The following TMEFF2 variants were observed in gnomAD, a reference collection of about 807,000 sequenced individuals.
TMEFF2 encodes tomoregulin-2.
In TMEFF2, 28 loss-of-function variants were observed where a neutral mutation model predicts 53.8. The ratio of observed to expected loss-of-function variants is 0.52; its 90% CI spans 0.39 to 0.71. TMEFF2 has a LOEUF of 0.71. Among genes scored for constraint, TMEFF2 ranks in the 30% least tolerant of loss-of-function variants. The probability of loss-of-function intolerance (pLI) is 0.00; values close to 1 mark genes in which losing one functional copy is unlikely to be tolerated. For synonymous variants in TMEFF2, 162 were observed against 166.3 expected, an observed-to-expected ratio of 0.97 and a Z score of 0.20; for missense variants, 353 against 455.2, an observed-to-expected ratio of 0.78 and a Z score of 2.04.
chr2:192,019,810 T>C (rs1257993843), intron 5 of TMEFF2, among the ~76,000 whole-genome samples: 1 of 152,044 alleles, frequency 6.6e-6, no homozygotes, highest in Non-Finnish European at 1.5e-5. Flanking sequence ...TAAACTATGT[T>C]CAAAATGATT....
rs16834250 is a variant in TMEFF2, at chr2:192,147,259, T to C, written c.439+32409A>G. Among the ~76,000 whole-genome samples, 959 of 152,146 alleles carry C rather than the reference T, an allele frequency of 6.3e-3. 11 individuals carry two copies. Among genetic ancestry groups the C allele is most frequent in the African/African-American group, 0.022 (895 of 41,550 alleles). ...ATAAATTCAGATAGACACAGTGAGC[T>C]AGAAGTAGCAGACAGTAGTCCACTT... is the stretch of plus-strand genomic sequence containing the variant. On this transcript the variant is annotated intron_variant, in intron 4 of 9. Transcript: ENST00000272771.
In TMEFF2 at chr2:192,081,059, T is replaced by G. The variant is rs528857884; in HGVS notation, c.440-23284A>C. ...GAACAGTAATTTTTTGTTATGACAG[T>G]GATCAATGAAAGTAAGAACATCTTG... is the stretch of plus-strand genomic sequence containing the variant. On this transcript the variant is annotated intron_variant, in intron 4 of 9. Transcript: ENST00000272771. 1.5e-4 allele frequency among the ~76,000 whole-genome samples: 23 copies of G among 152,312 alleles called. No homozygotes were observed. In the South Asian group the frequency reaches 4.8e-3, roughly 32 times the overall value.
At chr2:192,167,346 G>T (rs1690793482) in intron 4 of TMEFF2, among the ~76,000 whole-genome samples, 1 of 152,076 alleles carries the variant, frequency 6.6e-6, no homozygotes, top group African/African-American at 2.4e-5. Context: ...CATGTGTTGG[G>T]CGTATAGAAA....
At chr2:191,990,595 T>C (rs781157039) in intron 7 of TMEFF2, among the ~76,000 whole-genome samples, 4 of 152,122 alleles carry the variant, frequency 2.6e-5, no homozygotes, top group African/African-American at 4.8e-5. Context: ...AAATAACATA[T>C]ACTTGAGGTA....
chr2:191,977,451 A>T (rs1309518325), intron 7 of TMEFF2, among the ~76,000 whole-genome samples: 4 of 152,212 alleles, frequency 2.6e-5, no homozygotes, highest in Non-Finnish European at 5.9e-5. Context: ...TTCAGTAATG[A>T]ATTTTTTTTA....
chr2:191,979,753 TA>T (rs145774456), intron 7 of TMEFF2, among the ~76,000 whole-genome samples: 1,862 of 144,554 alleles, frequency 0.013, 35 homozygotes, highest in African/African-American at 0.038. Flanking sequence ...CCAGTAGAGA[TA>T]AAAAAAAAAA....
intron 7 of TMEFF2, among the ~76,000 whole-genome samples, chr2:191,993,543 C>T (rs1164397382): frequency 2.6e-5 from 4 of 152,004 alleles, no homozygotes; most frequent in African/African-American, 9.7e-5. Flanking sequence ...CTTCTCCCCA[C>T]ATACATACTA....
At chr2:192,040,876 G>A (rs578100527) in intron 5 of TMEFF2, among the ~76,000 whole-genome samples, 9 of 152,208 alleles carry the variant, frequency 5.9e-5, no homozygotes, top group African/African-American at 2.2e-4. Flanking sequence ...GATGATGAAA[G>A]GCTAGTCTTT....
intron 7 of TMEFF2, among the ~76,000 whole-genome samples, chr2:191,957,079 ACGATAAC>A (rs1365500044): frequency 6.6e-6 from 1 of 152,216 alleles, no homozygotes; most frequent in Non-Finnish European, 1.5e-5. Context: ...ACCTAAACTT[ACGATAAC>A]GAATAAACGT....
chr2:191,962,343 C>T (rs765127665), intron 7 of TMEFF2, among the ~76,000 whole-genome samples: 6 of 152,060 alleles, frequency 3.9e-5, no homozygotes, highest in Non-Finnish European at 8.8e-5. Flanking sequence ...TTATCCTTAT[C>T]GTTGCTTGCA....
intron 4 of TMEFF2, among the ~76,000 whole-genome samples, chr2:192,172,206 C>CTT (rs5837292): frequency 7.9e-4 from 118 of 148,474 alleles, no homozygotes; most frequent in Admixed American, 2.0e-3. Context: ...CGCTGTGTAG[C>CTT]TTTTTTTTTT....
intron 7 of TMEFF2, among the ~76,000 whole-genome samples, chr2:191,966,736 C>G (rs1415109658): frequency 6.6e-6 from 1 of 151,978 alleles, no homozygotes; most frequent in African/African-American, 2.4e-5. Flanking sequence ...AGAATAAAAC[C>G]ATGCATTTAT....
intron 5 of TMEFF2, among the ~76,000 whole-genome samples, chr2:192,020,664 G>A (rs906776994): frequency 1.3e-5 from 2 of 152,068 alleles, no homozygotes; most frequent in African/African-American, 4.8e-5. Context: ...TTTTCAAAAA[G>A]TGTTATGGTA....
rs2105979045 is a variant in TMEFF2, at chr2:192,132,387, C to T, written c.439+47281G>A. ...CAGTTCATGGCTCGTTCGGCAGCAA[C>T]CCTGAGACGCTTTACAGCCCTAGAC... is the stretch of plus-strand genomic sequence containing the variant. On this transcript the variant is annotated intron_variant, in intron 4 of 9. Coordinates refer to ENST00000272771, the MANE Select transcript of TMEFF2 (RefSeq NM_016192.4). Among the ~76,000 whole-genome samples, 2 of 152,114 alleles carry T rather than the reference C, an allele frequency of 1.3e-5. 1 individual carries two copies. Among genetic ancestry groups the T allele is most frequent in the South Asian group, 4.2e-4 (2 of 4,796 alleles).
At chr2:192,114,107 T>TGTGA (rs1319260635) in intron 4 of TMEFF2, among the ~76,000 whole-genome samples, 7 of 141,048 alleles carry the variant, frequency 5.0e-5, no homozygotes, top group Non-Finnish European at 9.2e-5. Context: ...TGTGTGTGTG[T>TGTGA]GATAGCCCTT....
chr2:191,955,174 GGAGA>G (rs1199101306), intron 8 of TMEFF2, among the ~76,000 whole-genome samples: 33 of 2,046 alleles, frequency 0.016, no homozygotes, highest in Admixed American at 0.02. Flanking sequence ...GGAGAGAGAG[GGAGA>G]GAGAGAGAGA....
intron 7 of TMEFF2, among the ~76,000 whole-genome samples, chr2:191,971,770 TG>T (rs1692647090): frequency 6.6e-6 from 1 of 152,154 alleles, no homozygotes; most frequent in Non-Finnish European, 1.5e-5. Flanking sequence ...AGTTTCTCTC[TG>T]GAAGAGCATG....
chr2:191,994,484 T>C (rs1287555613), intron 7 of TMEFF2, among the ~76,000 whole-genome samples: 1 of 150,022 alleles, frequency 6.7e-6, no homozygotes, highest in Admixed American at 6.7e-5. Context: ...AACAACACAA[T>C]CAGAAAATAT....
chr2:192,051,655 G>C (rs1687776687), intron 5 of TMEFF2, among the ~76,000 whole-genome samples: 1 of 152,112 alleles, frequency 6.6e-6, no homozygotes, highest in African/African-American at 2.4e-5. Flanking sequence ...CTAGTGCCAA[G>C]GATCATCCAT....
Sources: gnomAD v4.1 joint callset for allele counts (sites outside exome capture counted in the v4.1 genomes callset) on GRCh38, gnomAD v4.1.1 for gene constraint, MANE v1.5 for transcripts, NCBI Gene and HGNC (gene_info 2026-07-23, HGNC 2026-07-21) for gene names.